The following ANK2 variants were observed in gnomAD, a reference collection of about 807,000 sequenced individuals.
ANK2 encodes the protein ankyrin 2.
A neutral mutation model predicts 360.5 loss-of-function variants in ANK2; 83 were observed. The ratio of observed to expected loss-of-function variants is 0.23; its 90% CI spans 0.19 to 0.28. The LOEUF is 0.28. ANK2 is among the 10% of genes least tolerant of loss of function. The pLI is 1.00. For missense variants in ANK2, 4,201 were observed against 4,795.7 expected (o/e 0.88, Z 3.66); for synonymous variants, 1,740 against 1,759.5 (o/e 0.99, Z 0.28).
At chr4:113,143,385 G>A (rs1043508706) in intron 1 of ANK2, among the ~76,000 whole-genome samples, 17 of 100,792 alleles carry the variant, frequency 1.7e-4, no homozygotes, top group African/African-American at 6.3e-4. Flanking sequence ...TATTCATCTA[G>A]CACCTAGGGG....
intron 33 of ANK2, among the ~76,000 whole-genome samples, 155 bp from the exon 34 acceptor site, chr4:113,342,862 G>A (rs2094449499): frequency 1.3e-5 from 2 of 152,196 alleles, no homozygotes; most frequent in South Asian, 4.1e-4. Context: ...TGGACATGCT[G>A]TGTCACAGAT....
At chr4:112,778,737 T>A in the ANK2 span, among the ~76,000 whole-genome samples, 1 of 152,188 alleles carries the variant, frequency 6.6e-6, no homozygotes, top group Non-Finnish European at 1.5e-5. Flanking sequence ...ATTATTCGTG[T>A]TTGTGTTTAG....
chr4:113,339,406 T>A, intron 32 of ANK2, 84 bp downstream of exon 32: 1 of 1,097,276 alleles, frequency 9.1e-7, no homozygotes, highest in Non-Finnish European at 1.4e-6. Context: ...GTTTCTTTAT[T>A]GTTTAAAAGT....
chr4:113,144,089 T>C (rs1048794806), intron 1 of ANK2, among the ~76,000 whole-genome samples: 11 of 152,190 alleles, frequency 7.2e-5, no homozygotes, highest in Admixed American at 7.2e-4. Context: ...TCCATTGTTG[T>C]CATAATATTT....
chr4:113,185,433 G>T (rs954639318), intron 2 of ANK2, among the ~76,000 whole-genome samples: 1 of 152,180 alleles, frequency 6.6e-6, no homozygotes, highest in Admixed American at 6.5e-5. Flanking sequence ...GTATCTCATT[G>T]TGGTTTTGAT....
chr4:113,272,320 C>T (rs2058828103), intron 14 of ANK2, among the ~76,000 whole-genome samples: 1 of 152,186 alleles, frequency 6.6e-6, no homozygotes, highest in African/African-American at 2.4e-5. Context: ...ATTGTTGCCT[C>T]TCATTTTTGG....
chr4:113,085,970 A>T (rs927761288), intron 1 of ANK2, among the ~76,000 whole-genome samples: 1 of 152,214 alleles, frequency 6.6e-6, no homozygotes, highest in African/African-American at 2.4e-5. Context: ...AGGACTTAGC[A>T]AGATCATTTT....
intron 1 of ANK2, among the ~76,000 whole-genome samples, chr4:112,896,599 A>G (rs1210253027): frequency 1.3e-5 from 2 of 152,242 alleles, no homozygotes; most frequent in Admixed American, 1.3e-4. Flanking sequence ...TTTCTCAAGT[A>G]AAGAAAGACA....
intron 2 of ANK2, among the ~76,000 whole-genome samples, chr4:113,184,025 T>C (rs1437775049): frequency 6.7e-6 from 1 of 149,698 alleles, no homozygotes; most frequent in Non-Finnish European, 1.5e-5. Flanking sequence ...TTAATAGGAA[T>C]ACGAGATCCA....
At chr4:112,819,360 AT>A (rs958105125) in intron 1 of ANK2, among the ~76,000 whole-genome samples, 1 of 152,152 alleles carries the variant, frequency 6.6e-6, no homozygotes, top group African/African-American at 2.4e-5. Context: ...GAAAATCTTT[AT>A]TTTTTAAAGG....
intron 45 of ANK2, among the ~76,000 whole-genome samples, chr4:113,379,540 A>C (rs569862329): frequency 6.6e-6 from 1 of 152,360 alleles, no homozygotes; most frequent in African/African-American, 2.4e-5. Flanking sequence ...AACCCCTGGC[A>C]TCAATGCTAT....
At chr4:113,294,845 T>A in intron 22 of ANK2, among the ~76,000 whole-genome samples, 1 of 152,202 alleles carries the variant, frequency 6.6e-6, no homozygotes. Context: ...TAGGTCACTA[T>A]ATTTAATGGC....
chr4:112,717,162 G>T, the ANK2 span, among the ~76,000 whole-genome samples: 1 of 152,102 alleles, frequency 6.6e-6, no homozygotes, highest in Admixed American at 6.6e-5. Context: ...GGTATTAAAA[G>T]CCAGACTCTT....
At chr4:112,874,909 T>C (rs1460470491) in intron 1 of ANK2, among the ~76,000 whole-genome samples, 1 of 152,198 alleles carries the variant, frequency 6.6e-6, no homozygotes, top group Non-Finnish European at 1.5e-5. Context: ...TGTCGGATGG[T>C]AGTCAGAAGT....
chr4:112,994,927 A>T (rs148704125), intron 2 of ANK2, among the ~76,000 whole-genome samples: 4 of 152,296 alleles, frequency 2.6e-5, no homozygotes, highest in Non-Finnish European at 4.4e-5. Flanking sequence ...GCAGCAAAGG[A>T]CATGACTTCA....
intron 1 of ANK2, among the ~76,000 whole-genome samples, chr4:113,083,993 G>A (rs1289798807): frequency 1.3e-5 from 2 of 152,100 alleles, no homozygotes; most frequent in African/African-American, 4.8e-5. Context: ...AGGGGGTGAG[G>A]ATCTTGTATC....
intron 41 of ANK2, 126 bp downstream of exon 41, chr4:113,365,308 G>C (rs1157880762): frequency 2.9e-6 from 3 of 1,020,700 alleles, no homozygotes; most frequent in Admixed American, 2.0e-5. Context: ...CATGGCCTAT[G>C]GTGATCATAT....
chr4:113,304,647 A>G (rs1449586540), intron 23 of ANK2, among the ~76,000 whole-genome samples: 4 of 152,332 alleles, frequency 2.6e-5, no homozygotes, highest in Non-Finnish European at 4.4e-5. Context: ...TGTGAACATG[A>G]CAATAACTAA....
At chr4:112,759,656 C>G in the ANK2 span, among the ~76,000 whole-genome samples, 5 of 152,042 alleles carry the variant, frequency 3.3e-5, 1 homozygote, top group South Asian at 8.3e-4. Flanking sequence ...TTTTACCCTC[C>G]CATTTTCTGA....
Sources: allele counts gnomAD v4.1 joint callset (sites outside exome capture counted in the v4.1 genomes callset), GRCh38; gene constraint gnomAD v4.1.1; transcripts MANE v1.5; gene names NCBI Gene and HGNC (gene_info 2026-07-23, HGNC 2026-07-21).